The following ATRNL1 variants were observed in gnomAD, a reference collection of about 807,000 sequenced individuals.
The protein encoded by ATRNL1 is attractin like 1.
A neutral mutation model predicts 182.7 loss-of-function variants in ATRNL1; 95 were observed. The observed-to-expected ratio is 0.52, with a 90% CI of 0.44 to 0.62. The LOEUF is 0.62. ATRNL1 is among the 20% of genes least tolerant of loss of function. ATRNL1 has a pLI of 0.00. For synonymous variants in ATRNL1, 576 were observed against 568.3 expected, an observed-to-expected ratio of 1.01 and a Z score of -0.19; for missense variants, 1,471 against 1,679.5, an observed-to-expected ratio of 0.88 and a Z score of 2.17.
At chr10:115,145,031 A>C (rs1045410034) in intron 5 of ATRNL1, among the ~76,000 whole-genome samples, 1 of 152,168 alleles carries the variant, frequency 6.6e-6, no homozygotes, top group Non-Finnish European at 1.5e-5. Flanking sequence ...ACCTAGAAGA[A>C]ATTTTGACAT....
At position 115,265,256 on chromosome 10, in the gene ATRNL1, A is replaced by C. The variant is rs782056356; in HGVS notation, c.1751A>C (p.His584Pro). The C allele has an allele frequency of 1.2e-6, 2 of 1,606,242 alleles. No homozygotes were observed. Among genetic ancestry groups the C allele is most frequent in the Non-Finnish European group, 1.7e-6 (2 of 1,175,178 alleles). Residue 584 changes from histidine to proline, a missense_variant, in exon 11 of 29, where the codon CAC becomes CCC. Transcript: ENST00000355044. ...CATAGAGATGTCAACAGATTTGGAC[A>C]CTCTGCAGTAGTCATTAACGGGTAA... The part of the protein sequence containing the change: ...NLHRDVNRFG[H>P]SAVVINGSMY...
intron 25 of ATRNL1, among the ~76,000 whole-genome samples, chr10:115,531,074 G>T (rs1267467547): frequency 6.6e-6 from 1 of 152,030 alleles, no homozygotes; most frequent in African/African-American, 2.4e-5. Flanking sequence ...TGTGAATAGT[G>T]CCGCAATAAA....
At chr10:115,356,265 A>C (rs1856500226) in intron 19 of ATRNL1, among the ~76,000 whole-genome samples, 1 of 152,096 alleles carries the variant, frequency 6.6e-6, no homozygotes, top group African/African-American at 2.4e-5. Context: ...CTCTCAAACT[A>C]GGAACATTGA....
intron 21 of ATRNL1, among the ~76,000 whole-genome samples, chr10:115,445,506 C>CGTGTGT (rs57237450): frequency 2.6e-3 from 306 of 119,252 alleles, no homozygotes; most frequent in Middle Eastern, 0.014. Context: ...CTCATTTGTC[C>CGTGTGT]GTGTGTGTGT....
At chr10:115,672,895 A>G (rs1555041896) in intron 26 of ATRNL1, among the ~76,000 whole-genome samples, 1 of 152,108 alleles carries the variant, frequency 6.6e-6, no homozygotes, top group African/African-American at 2.4e-5. Context: ...TCTTCAGTGT[A>G]TGACGTTATA....
intron 26 of ATRNL1, among the ~76,000 whole-genome samples, chr10:115,555,608 A>T (rs1377356740): frequency 2.0e-5 from 3 of 151,960 alleles, no homozygotes; most frequent in Non-Finnish European, 4.4e-5. Flanking sequence ...TTTTAGACAA[A>T]TACAGCAATG....
At chr10:115,526,535 A>G (rs1851224495) in intron 25 of ATRNL1, among the ~76,000 whole-genome samples, 1 of 152,076 alleles carries the variant, frequency 6.6e-6, no homozygotes, top group Non-Finnish European at 1.5e-5. Flanking sequence ...CTATCAGTGC[A>G]TTTTCTCAGG....
chr10:115,093,487 G>T lies in ATRNL1; in HGVS notation c.-264G>T. ...CCGCTCCCCGCCTCCGGCCGGGTCCGGGACGCCGCGGCTGTGGGGTCGGCC... is the reference window on the plus strand; with the variant it reads ...CCGCTCCCCGCCTCCGGCCGGGTCCTGGACGCCGCGGCTGTGGGGTCGGCC... On this transcript the variant is annotated 5_prime_UTR_variant, in exon 1 of 29. Coordinates refer to ENST00000355044, the MANE Select transcript of ATRNL1 (RefSeq NM_207303.4). This position sits in a 1 kb window ranked among gnomAD's most constrained non-coding sequence, Gnocchi z 6.1. 1.6e-6 allele frequency: 1 copy of T among 622,404 alleles called. No homozygotes were observed. Among genetic ancestry groups the T allele is most frequent in the East Asian group, 3.6e-5 (1 of 27,434 alleles). The allele number at this position is 622,404 out of a possible 1,614,324, so 38.6% of individuals were successfully genotyped here.
intron 21 of ATRNL1, among the ~76,000 whole-genome samples, chr10:115,452,055 G>A (rs1410513066): frequency 6.6e-6 from 1 of 152,110 alleles, no homozygotes; most frequent in East Asian, 1.9e-4. Context: ...GTAGCTAAAT[G>A]ATGAGAACTA....
chr10:115,605,460 A>G (rs762253741), intron 26 of ATRNL1, among the ~76,000 whole-genome samples: 2 of 152,134 alleles, frequency 1.3e-5, no homozygotes, highest in Non-Finnish European at 2.9e-5. Flanking sequence ...ACACCTTTGC[A>G]TAGATTACTT....
chr10:115,751,357 G>A (rs1948443173), intron 27 of ATRNL1, among the ~76,000 whole-genome samples: 2 of 152,032 alleles, frequency 1.3e-5, no homozygotes, highest in Admixed American at 1.3e-4. Flanking sequence ...AGAACTGTAA[G>A]ATAAGAAATT....
At chr10:115,771,262 A>C (rs1369155807) in intron 27 of ATRNL1, among the ~76,000 whole-genome samples, 1 of 143,546 alleles carries the variant, frequency 7.0e-6, no homozygotes, top group Non-Finnish European at 1.5e-5. Flanking sequence ...ACAGAGTCTC[A>C]CTCTTTCGCC....
In ATRNL1 at chr10:115,839,545, T is replaced by C. The variant is rs369912351; in HGVS notation, c.3904-8332T>C. On this transcript the variant is annotated intron_variant, in intron 27 of 28. Coordinates refer to ENST00000355044, the MANE Select transcript of ATRNL1 (RefSeq NM_207303.4). ...CAACCCATATGTCTTTGCACCTCTG[T>C]GTGCATGCCCTTACTTCTGCCAGAA... Among the ~76,000 whole-genome samples, 238 of 152,312 alleles carry C rather than the reference T, an allele frequency of 1.6e-3. 1 individual carries two copies. The highest frequency in any genetic ancestry group is 5.4e-3 in the African/African-American group (224 of 41,578).
At chr10:115,325,358 G>A (rs1854817288) in intron 18 of ATRNL1, among the ~76,000 whole-genome samples, 1 of 152,078 alleles carries the variant, frequency 6.6e-6, no homozygotes, top group Admixed American at 6.5e-5. Context: ...CACTCTTTTG[G>A]TAGTGGGGAA....
At chr10:115,915,984 G>T (rs1952836991) in intron 28 of ATRNL1, among the ~76,000 whole-genome samples, 1 of 152,198 alleles carries the variant, frequency 6.6e-6, no homozygotes, top group South Asian at 2.1e-4. Flanking sequence ...AGTTCTCATT[G>T]ATTTCAATGG....
chr10:115,505,202 C>T (rs1391923749), intron 24 of ATRNL1, among the ~76,000 whole-genome samples: 4 of 152,096 alleles, frequency 2.6e-5, no homozygotes, highest in African/African-American at 9.7e-5. Flanking sequence ...TATATTTTAA[C>T]TGGATCTTTG....
At chr10:115,271,165 TACAC>T (rs59638255) in intron 13 of ATRNL1, among the ~76,000 whole-genome samples, 40,997 of 145,874 alleles carry the variant, frequency 0.28, 6,845 homozygotes, top group Middle Eastern at 0.39. Flanking sequence ...ACAAAGATAT[TACAC>T]ACACACACAC....
At chr10:115,936,603 A>G (rs1565500730) in intron 28 of ATRNL1, among the ~76,000 whole-genome samples, 1 of 152,212 alleles carries the variant, frequency 6.6e-6, no homozygotes, top group Admixed American at 6.5e-5. Context: ...TTTATAAAAC[A>G]CTTTCACATA....
chr10:115,165,518 A>C (rs1554884150), intron 6 of ATRNL1, 40 bp from the exon 7 acceptor site: 1 of 1,214,886 alleles, frequency 8.2e-7, no homozygotes, highest in Non-Finnish European at 1.1e-6. Flanking sequence ...AACAAAAATG[A>C]ATCTTAGCTT....
Sources: allele counts gnomAD v4.1 joint callset (sites outside exome capture counted in the v4.1 genomes callset), GRCh38; gene constraint gnomAD v4.1.1; non-coding constraint Gnocchi (gnomAD v3.1); transcripts MANE v1.5; gene names NCBI Gene and HGNC (gene_info 2026-07-23, HGNC 2026-07-21).